Variants in MAP2 observed in about 807,000 individuals in gnomAD.
MAP2 encodes microtubule-associated protein 2.
In MAP2, 14 loss-of-function variants were observed where a neutral mutation model predicts 137.6. The observed-to-expected ratio is 0.10, with a 90% CI of 0.07 to 0.16. MAP2 has a LOEUF of 0.16. Ranked by LOEUF, MAP2 falls within the 10% of genes least tolerant of loss-of-function variation. The probability of loss-of-function intolerance (pLI) is 1.00; values close to 1 mark genes in which losing one functional copy is unlikely to be tolerated. For synonymous variants in MAP2, 786 were observed against 782.3 expected, an observed-to-expected ratio of 1.00 and a Z score of -0.08; for missense variants, 2,088 against 2,191.5, an observed-to-expected ratio of 0.95 and a Z score of 0.94.
chr2:209,709,452 G>T (rs1012485023), intron 12 of MAP2, among the ~76,000 whole-genome samples: 3 of 151,990 alleles, frequency 2.0e-5, no homozygotes, highest in Admixed American at 6.6e-5. Flanking sequence ...TAAATACATG[G>T]TTCTATATTG....
In MAP2 at chr2:209,546,154, T is replaced by G. The variant is rs1416632866; in HGVS notation, c.-171-33882T>G. ...TGAGACTCCGTCTCAAAAAGAAAAA[T>G]AAAAAGAAAAAAGAAAAAAAGAAAT... On this transcript the variant is annotated intron_variant, in intron 2 of 15. Coordinates refer to ENST00000682079, the MANE Select transcript of MAP2 (RefSeq NM_001375505.1). Among the ~76,000 whole-genome samples the G allele has an allele frequency of 3.3e-5, 5 of 151,424 alleles. No individual in the cohort carries two copies. In the South Asian group the frequency reaches 6.3e-4, roughly 19 times the overall value.
chr2:209,611,344 G>A (rs1215762427), intron 3 of MAP2, among the ~76,000 whole-genome samples: 1 of 152,058 alleles, frequency 6.6e-6, no homozygotes, highest in Non-Finnish European at 1.5e-5. Context: ...GGTGATTTTG[G>A]TGTCAACACA....
At chr2:209,686,392 T>G (rs961277183) in intron 7 of MAP2, among the ~76,000 whole-genome samples, 1 of 152,224 alleles carries the variant, frequency 6.6e-6, no homozygotes, top group African/African-American at 2.4e-5. Context: ...AGCACTTGGT[T>G]GCCAAAAATA....
chr2:209,440,113 G>T (rs957785039), intron 1 of MAP2, among the ~76,000 whole-genome samples: 7 of 151,374 alleles, frequency 4.6e-5, no homozygotes, highest in African/African-American at 1.7e-4. Context: ...AGACACCATA[G>T]TCACTACATA....
At chr2:209,452,893 A>C (rs779025894) in intron 1 of MAP2, among the ~76,000 whole-genome samples, 13 of 152,206 alleles carry the variant, frequency 8.5e-5, no homozygotes, top group Non-Finnish European at 1.2e-4. Flanking sequence ...AGTTGTCTCT[A>C]TAACACTATT....
intron 1 of MAP2, among the ~76,000 whole-genome samples, chr2:209,468,317 C>CTTTTTTTT (rs11450792): frequency 1.7e-4 from 15 of 88,502 alleles, no homozygotes; most frequent in South Asian, 4.9e-4. Context: ...TTTAGTGTTT[C>CTTTTTTTT]TTTTTTTTTT....
intron 1 of MAP2, among the ~76,000 whole-genome samples, chr2:209,501,833 G>A (rs575884832): frequency 3.9e-5 from 6 of 152,060 alleles, no homozygotes; most frequent in Non-Finnish European, 7.4e-5. Flanking sequence ...CAAAGCATCC[G>A]CTCCTGGCAC....
chr2:209,526,933 A>G (rs2064154571), intron 2 of MAP2, among the ~76,000 whole-genome samples: 1 of 152,098 alleles, frequency 6.6e-6, no homozygotes, highest in Non-Finnish European at 1.5e-5. Flanking sequence ...GACTGACTAC[A>G]AAACCAACAA....
chr2:209,495,828 G>T (rs1413560857), intron 1 of MAP2, among the ~76,000 whole-genome samples: 1 of 152,010 alleles, frequency 6.6e-6, no homozygotes, highest in Non-Finnish European at 1.5e-5. Context: ...TATTAGAATG[G>T]TACTCTAGCC....
At chr2:209,477,429 A>G (rs909487308) in intron 1 of MAP2, among the ~76,000 whole-genome samples, 1 of 152,200 alleles carries the variant, frequency 6.6e-6, no homozygotes, top group South Asian at 2.1e-4. Context: ...AATAAAGAAT[A>G]CATCATGATT....
At chr2:209,633,506 A>C (rs2153557579) in intron 4 of MAP2, among the ~76,000 whole-genome samples, 1 of 152,290 alleles carries the variant, frequency 6.6e-6, no homozygotes, top group African/African-American at 2.4e-5. Context: ...GTTGTTACTA[A>C]GTTATGAGTA....
At chr2:209,509,548 A>G (rs1292097638) in intron 2 of MAP2, among the ~76,000 whole-genome samples, 2 of 151,966 alleles carry the variant, frequency 1.3e-5, no homozygotes, top group South Asian at 2.1e-4. Context: ...TTAATCAGTT[A>G]TCTAAATCAC....
In MAP2 at chr2:209,426,103, T is replaced by A. The variant is rs557006979; in HGVS notation, c.-222+1827T>A. On this transcript the variant is annotated intron_variant, in intron 1 of 15. Coordinates refer to ENST00000682079, the MANE Select transcript of MAP2 (RefSeq NM_001375505.1). ...GATTATCATAGGTGTACATCTGCATTCATGATTTGTATATTATCAGAGCCA... is the reference window on the plus strand; with the variant it reads ...GATTATCATAGGTGTACATCTGCATACATGATTTGTATATTATCAGAGCCA... Among the ~76,000 whole-genome samples the A allele has an allele frequency of 2.0e-5, 3 of 152,328 alleles. No individual in the cohort carries two copies. The East Asian group carries it at 5.8e-4, about 29-fold the overall frequency.
intron 2 of MAP2, among the ~76,000 whole-genome samples, chr2:209,556,340 C>T (rs531181892): frequency 9.9e-5 from 15 of 152,192 alleles, no homozygotes; most frequent in South Asian, 6.2e-4. Context: ...CACTGCATCC[C>T]GCCCCAGGCC....
intron 4 of MAP2, among the ~76,000 whole-genome samples, chr2:209,652,208 T>A (rs1020488619): frequency 2.0e-5 from 3 of 152,170 alleles, no homozygotes; most frequent in Non-Finnish European, 4.4e-5. Flanking sequence ...TCCATCCAAT[T>A]AACATGTATA....
intron 2 of MAP2, among the ~76,000 whole-genome samples, chr2:209,513,444 G>A (rs557905277): frequency 1.3e-5 from 2 of 152,112 alleles, no homozygotes; most frequent in Admixed American, 6.6e-5. Context: ...CTTAGGAAAT[G>A]CTTATATAAT....
At chr2:209,591,378 G>T (rs571801118) in intron 3 of MAP2, among the ~76,000 whole-genome samples, 1 of 152,198 alleles carries the variant, frequency 6.6e-6, no homozygotes, top group East Asian at 1.9e-4. Context: ...GAGTTATCTG[G>T]CTCACAATGA....
At chr2:209,446,721 G>A (rs781041111) in intron 1 of MAP2, among the ~76,000 whole-genome samples, 3 of 151,712 alleles carry the variant, frequency 2.0e-5, no homozygotes, top group South Asian at 2.1e-4. Context: ...CTCAAATCAC[G>A]GGAGGTTTTC....
At chr2:209,568,240 A>G (rs2073828305) in intron 2 of MAP2, among the ~76,000 whole-genome samples, 1 of 151,984 alleles carries the variant, frequency 6.6e-6, no homozygotes, top group African/African-American at 2.4e-5. Context: ...CTCAACAGCC[A>G]AGAGAATAAG....
Sources: gnomAD v4.1 joint callset for allele counts (sites outside exome capture counted in the v4.1 genomes callset) on GRCh38, gnomAD v4.1.1 for gene constraint, MANE v1.5 for transcripts, NCBI Gene and HGNC (gene_info 2026-07-23, HGNC 2026-07-21) for gene names.